HDGF: variants seen among roughly 807,000 people sequenced by gnomAD.
HDGF encodes heparin binding growth factor, also known as hepatoma-derived growth factor.
A neutral mutation model predicts 30.0 loss-of-function variants in HDGF; 5 were observed. The observed-to-expected ratio is 0.17, with a 90% CI of 0.09 to 0.35. HDGF has a LOEUF of 0.35. HDGF is among the 10% of genes least tolerant of loss of function. HDGF has a pLI of 1.00. For missense variants in HDGF, 214 were observed against 302.8 expected, an observed-to-expected ratio of 0.71 and a Z score of 2.18; for synonymous variants, 133 against 112.7, an observed-to-expected ratio of 1.18 and a Z score of -1.14.
At chr1:156,755,423 G>C (rs981112019), upstream of HDGF, 5 of 152,228 alleles carry the variant, frequency 3.3e-5, no homozygotes, top group African/African-American at 1.2e-4. Flanking sequence ...CAAGGGACTT[G>C]GGTTTGATTC....
At chr1:156,760,788 A>G (rs1651235618) in intron 1 of HDGF, among the ~76,000 whole-genome samples, 1 of 146,128 alleles carries the variant, frequency 6.8e-6, no homozygotes, top group Non-Finnish European at 1.5e-5. Context: ...GTAAGCTTTT[A>G]TTTTTCTCCA....
intron 1 of HDGF, among the ~76,000 whole-genome samples, chr1:156,748,868 A>G (rs1650776939): frequency 6.6e-6 from 1 of 152,198 alleles, no homozygotes; most frequent in Non-Finnish European, 1.5e-5. Context: ...GGCAAGCCCA[A>G]GAGGCAGAAA....
In HDGF at chr1:156,745,387, AG is replaced by A; in HGVS notation, c.88-15del. The A allele has an allele frequency of 6.2e-7, 1 of 1,610,980 alleles. No individual in the cohort carries two copies. Among genetic ancestry groups the A allele is most frequent in the Admixed American group, 1.7e-5 (1 of 59,768 alleles). On this transcript the variant is annotated splice_polypyrimidine_tract_variant and intron_variant, in intron 1 of 5. Coordinates refer to ENST00000357325, the MANE Select transcript of HDGF (RefSeq NM_004494.3). ...CATCTCGTCAATCTGGGGTGAGATG[AG>A]GGGGTGAGGTTAGCTAGAGTCCTGA...
intron 1 of HDGF, among the ~76,000 whole-genome samples, chr1:156,762,638 A>G (rs1651269450): frequency 6.6e-6 from 1 of 152,126 alleles, no homozygotes; most frequent in Non-Finnish European, 1.5e-5. Flanking sequence ...TGGGAGGCTG[A>G]GGTAGTCGGA....
At chr1:156,749,357 C>G (rs906948571) in intron 1 of HDGF, among the ~76,000 whole-genome samples, 1 of 152,228 alleles carries the variant, frequency 6.6e-6, no homozygotes, top group Non-Finnish European at 1.5e-5. Flanking sequence ...GACTAAGACA[C>G]GGTCCAAGGA....
chr1:156,753,351 G>C (rs1420411977), upstream of HDGF, among the ~76,000 whole-genome samples: 1 of 152,110 alleles, frequency 6.6e-6, no homozygotes, highest in Non-Finnish European at 1.5e-5. Context: ...ATTCAAACTT[G>C]TTGCAACAGA....
chr1:156,743,227 C>T lies in HDGF; in HGVS notation c.*222G>A, dbSNP rs1650255333. ...TTCCAGGGAGAAGACATGGCTCTGA[C>T]TCAGATCATAGGAGTATGGGGACCT... is the stretch of plus-strand genomic sequence containing the variant. On this transcript the variant is annotated 3_prime_UTR_variant, in exon 6 of 6. Transcript: ENST00000357325. The T allele has an allele frequency of 4.2e-6, 2 of 472,622 alleles. No individual in the cohort carries two copies. The highest frequency in any genetic ancestry group is 7.5e-6 in the Non-Finnish European group (2 of 265,388). The allele number at this position is 472,622 out of a possible 1,614,324, so 29.3% of individuals were successfully genotyped here.
At chr1:156,745,683 A>G (rs775565048) in intron 1 of HDGF, among the ~76,000 whole-genome samples, 20 of 152,138 alleles carry the variant, frequency 1.3e-4, no homozygotes, top group Middle Eastern at 3.2e-3. Context: ...TCCACAATCT[A>G]TTCTCCACAA....
At chr1:156,765,586 T>C (rs1651346299) in intron 1 of HDGF, among the ~76,000 whole-genome samples, 1 of 146,794 alleles carries the variant, frequency 6.8e-6, no homozygotes. Context: ...ACGATTCTCC[T>C]GCCTCAGCCT....
chr1:156,750,885 G>C (rs1173615666), intron 1 of HDGF, among the ~76,000 whole-genome samples: 1 of 151,866 alleles, frequency 6.6e-6, no homozygotes, highest in Admixed American at 6.6e-5. Context: ...TCCACGAAGA[G>C]AAGAGTTTGA....
upstream of HDGF, chr1:156,751,929 G>C: frequency 1.8e-6 from 2 of 1,088,844 alleles, no homozygotes; most frequent in Non-Finnish European, 2.6e-6. The surrounding 1 kb of genome is among the most constrained non-coding windows in gnomAD (Gnocchi z 4.7). Flanking sequence ...AGCACGCCGA[G>C]CAGGCTTTGT....
At chr1:156,764,575 T>C (rs1651318116) in intron 1 of HDGF, among the ~76,000 whole-genome samples, 1 of 152,148 alleles carries the variant, frequency 6.6e-6, no homozygotes, top group South Asian at 2.1e-4. Context: ...TTTCATGAAG[T>C]TTCTATTATC....
At chr1:156,763,482 G>A (rs1197961722) in intron 1 of HDGF, among the ~76,000 whole-genome samples, 3 of 152,050 alleles carry the variant, frequency 2.0e-5, no homozygotes, top group East Asian at 3.9e-4. Context: ...CCAAAGTGCT[G>A]GGATTAGAGG....
At chr1:156,749,438 G>C (rs1306306225) in intron 1 of HDGF, among the ~76,000 whole-genome samples, 1 of 152,214 alleles carries the variant, frequency 6.6e-6, no homozygotes, top group Non-Finnish European at 1.5e-5. Flanking sequence ...ACAGCCTTGG[G>C]TGTAGCCATC....
At chr1:156,761,104 C>T (rs929016727) in intron 1 of HDGF, among the ~76,000 whole-genome samples, 16 of 151,106 alleles carry the variant, frequency 1.1e-4, no homozygotes, top group African/African-American at 3.7e-4. Context: ...GCTGAGGTCA[C>T]GGGTTCGAGA....
At position 156,742,437 on chromosome 1, in the gene HDGF, G is replaced by A. The variant is rs1258000233; in HGVS notation, c.*1012C>T. The A allele has an allele frequency of 1.3e-5, 2 of 152,672 alleles. No homozygotes were observed. Among genetic ancestry groups the A allele is most frequent in the South Asian group, 2.1e-4 (1 of 4,822 alleles). The allele number at this position is 152,672 out of a possible 1,614,324, so 9.5% of individuals were successfully genotyped here. A position where few individuals can be genotyped will look rare whatever the true frequency, so the allele number is the denominator to read the frequency against. On this transcript the variant is annotated 3_prime_UTR_variant, in exon 6 of 6. Transcript: ENST00000357325. ...GAAAGTCATCAAGCCCCAAATAGAA[G>A]GGGAGCCTCCCAGTGCACCTCAGAA...
intron 1 of HDGF, among the ~76,000 whole-genome samples, chr1:156,749,073 G>A (rs1427129083): frequency 2.0e-5 from 3 of 152,238 alleles, no homozygotes; most frequent in African/African-American, 7.2e-5. Flanking sequence ...AGAGGGAAAG[G>A]AGAAGGTTAA....
intron 1 of HDGF, among the ~76,000 whole-genome samples, chr1:156,763,239 A>C (rs1427279168): frequency 6.6e-6 from 1 of 150,880 alleles, no homozygotes; most frequent in Non-Finnish European, 1.5e-5. Context: ...TTTGAGATGG[A>C]GTCTCTCTCT....
At position 156,751,418 on chromosome 1, in the gene HDGF, G is replaced by A; in HGVS notation, c.12C>T (p.Ser4=). 2 of 1,590,124 alleles carry A rather than the reference G, an allele frequency of 1.3e-6. No homozygotes were observed. Among genetic ancestry groups the A allele is most frequent in the Non-Finnish European group, 1.7e-6 (2 of 1,168,068 alleles). MSR[S]NRQKEYKCGD... ...CGCATTTGTACTCCTTCTGCCGGTT[G>A]GATCGCGACATGGCGGGGCTCCGGG... Residue 4 remains serine (S), a synonymous_variant, in exon 1 of 6, where the codon TCC becomes TCT. Transcript: ENST00000357325. This position sits in a 1 kb window ranked among gnomAD's most constrained non-coding sequence, Gnocchi z 4.7.
Sources: gnomAD v4.1 joint callset for allele counts (sites outside exome capture counted in the v4.1 genomes callset) on GRCh38, gnomAD v4.1.1 for gene constraint, Gnocchi (gnomAD v3.1) non-coding constraint, MANE v1.5 for transcripts, NCBI Gene and HGNC (gene_info 2026-07-23, HGNC 2026-07-21) for gene names.